SETBP1: variants seen among roughly 807,000 people sequenced by gnomAD.
SETBP1 encodes SET-binding protein.
Under a neutral mutation model 101.0 loss-of-function variants are expected in SETBP1, and 9 were observed. That is an observed-to-expected ratio of 0.09 (90% CI 0.05 to 0.16). The LOEUF is 0.16. SETBP1 is among the 10% of genes least tolerant of loss of function. SETBP1 has a pLI of 1.00. For missense variants in SETBP1, 1,858 were observed against 2,033.8 expected (o/e 0.91, Z 1.66); for synonymous variants, 818 against 788.5 (o/e 1.04, Z -0.63).
intron 2 of SETBP1, among the ~76,000 whole-genome samples, chr18:44,746,710 A>G (rs1355837137): frequency 1.3e-5 from 2 of 152,236 alleles, no homozygotes; most frequent in South Asian, 2.1e-4. Context: ...CAGTTTAGAA[A>G]TAATCATTTA....
At chr18:44,919,927 T>A (rs1309830372) in intron 3 of SETBP1, among the ~76,000 whole-genome samples, 1 of 152,166 alleles carries the variant, frequency 6.6e-6, no homozygotes, top group African/African-American at 2.4e-5. Flanking sequence ...GGTTGTTTGT[T>A]TTCCTATCTC....
At chr18:44,804,343 A>C (rs2071681090) in intron 2 of SETBP1, among the ~76,000 whole-genome samples, 1 of 152,146 alleles carries the variant, frequency 6.6e-6, no homozygotes, top group African/African-American at 2.4e-5. Context: ...ATCATGGAAT[A>C]TTCTAATTTG....
At chr18:44,945,923 C>T (rs535293678) in intron 3 of SETBP1, among the ~76,000 whole-genome samples, 31 of 152,280 alleles carry the variant, frequency 2.0e-4, no homozygotes, top group Admixed American at 1.0e-3. Flanking sequence ...GCCTGTCTTG[C>T]GGCTTGCCTT....
At chr18:44,974,838 T>C (rs2071950648) in intron 4 of SETBP1, among the ~76,000 whole-genome samples, 1 of 152,178 alleles carries the variant, frequency 6.6e-6, no homozygotes, top group Admixed American at 6.5e-5. Flanking sequence ...GTATAAAATA[T>C]GCTACATTGA....
chr18:44,790,372 C>G (rs964476076), intron 2 of SETBP1, among the ~76,000 whole-genome samples: 15 of 152,138 alleles, frequency 9.9e-5, no homozygotes, highest in African/African-American at 2.7e-4. Context: ...CATGGACTCT[C>G]GTTTACAAAG....
chr18:44,975,653 A>G (rs2071969633), intron 4 of SETBP1, among the ~76,000 whole-genome samples: 1 of 152,220 alleles, frequency 6.6e-6, no homozygotes, highest in Non-Finnish European at 1.5e-5. Flanking sequence ...ATAAGCAAAA[A>G]TATATGATTA....
chr18:44,688,669 C>T (rs552901390), intron 1 of SETBP1, among the ~76,000 whole-genome samples: 8 of 152,034 alleles, frequency 5.3e-5, no homozygotes, highest in East Asian at 3.9e-4. Flanking sequence ...GGCCTGGCTG[C>T]GTCTCGAACT....
At chr18:44,730,001 C>A (rs2069800551) in intron 2 of SETBP1, among the ~76,000 whole-genome samples, 2 of 152,122 alleles carry the variant, frequency 1.3e-5, no homozygotes, top group African/African-American at 4.8e-5. Flanking sequence ...TTTGCAGAAG[C>A]CTGAGTGTGA....
At chr18:44,931,405 T>C (rs2070830437) in intron 3 of SETBP1, among the ~76,000 whole-genome samples, 1 of 152,146 alleles carries the variant, frequency 6.6e-6, no homozygotes, top group Non-Finnish European at 1.5e-5. Context: ...CTGAGAAAAA[T>C]GTATATTCTG....
chr18:44,815,497 A>T (rs1268216688), intron 2 of SETBP1, among the ~76,000 whole-genome samples: 1 of 152,206 alleles, frequency 6.6e-6, no homozygotes, highest in Non-Finnish European at 1.5e-5. Flanking sequence ...GCTACTGTTT[A>T]CTTTGGTCAT....
chr18:44,893,348 G>A (rs1476132656), intron 3 of SETBP1, among the ~76,000 whole-genome samples: 1 of 152,162 alleles, frequency 6.6e-6, no homozygotes, highest in Admixed American at 6.5e-5. Flanking sequence ...CTTGGGGGTA[G>A]GTTCTATGAA....
At chr18:44,926,248 T>C (rs2070702329) in intron 3 of SETBP1, among the ~76,000 whole-genome samples, 1 of 152,116 alleles carries the variant, frequency 6.6e-6, no homozygotes, top group Non-Finnish European at 1.5e-5. Flanking sequence ...GTCGATATTA[T>C]GGAAGGTGGT....
intron 4 of SETBP1, among the ~76,000 whole-genome samples, chr18:44,957,132 C>T (rs931638938): frequency 1.3e-5 from 2 of 152,144 alleles, no homozygotes; most frequent in African/African-American, 2.4e-5. Flanking sequence ...TGTCGGCAGG[C>T]ATTGCCTTCT....
chr18:44,854,121 G>A (rs927909158), intron 2 of SETBP1, among the ~76,000 whole-genome samples: 2 of 152,064 alleles, frequency 1.3e-5, no homozygotes, highest in Admixed American at 6.5e-5. Flanking sequence ...CCTGAGAGCA[G>A]GGCTTATATA....
At chr18:44,847,246 G>A (rs1396130652) in intron 2 of SETBP1, among the ~76,000 whole-genome samples, 3 of 152,184 alleles carry the variant, frequency 2.0e-5, no homozygotes, top group African/African-American at 7.2e-5. Flanking sequence ...CACTTCTGAG[G>A]CCTTCTGTTT....
intron 4 of SETBP1, among the ~76,000 whole-genome samples, chr18:44,968,185 G>A (rs1317557170): frequency 1.3e-5 from 2 of 152,102 alleles, no homozygotes; most frequent in Non-Finnish European, 2.9e-5. Context: ...AGGAACCATT[G>A]AGGGAAAATA....
intron 3 of SETBP1, chr18:44,871,571 C>A (rs951156967): frequency 6.6e-6 from 1 of 152,284 alleles, no homozygotes; most frequent in South Asian, 2.1e-4. Flanking sequence ...GCTTTAGACT[C>A]TTAAGGAAGA....
chr18:44,943,823 CTTTTTTCTTT>C (rs1490553286), intron 3 of SETBP1, among the ~76,000 whole-genome samples: 4 of 142,936 alleles, frequency 2.8e-5, no homozygotes, highest in Admixed American at 2.2e-4. Context: ...CTGGTCCTTT[CTTTTTTCTTT>C]TTTTTTCTTT....
intron 4 of SETBP1, 45 bp from the exon 5 acceptor site, chr18:45,038,440 T>C (rs1176351805): frequency 1.3e-6 from 2 of 1,582,086 alleles, no homozygotes; most frequent in East Asian, 4.5e-5. Context: ...TCTATCTTCC[T>C]GTTCCCTTAA....
Sources: allele counts gnomAD v4.1 joint callset (sites outside exome capture counted in the v4.1 genomes callset), GRCh38; gene constraint gnomAD v4.1.1; transcripts MANE v1.5; gene names NCBI Gene and HGNC (gene_info 2026-07-23, HGNC 2026-07-21).